Variants in SLC4A4 observed in about 807,000 individuals in gnomAD.
SLC4A4 encodes the protein electrogenic sodium bicarbonate cotransporter 1.
SLC4A4 carries 27 observed loss-of-function variants against 111.5 expected under a neutral mutation model. The observed-to-expected ratio is 0.24, with a 90% CI of 0.18 to 0.33. SLC4A4 has a LOEUF of 0.33. Ranked by LOEUF, SLC4A4 falls within the 10% of genes least tolerant of loss-of-function variation. The pLI, the probability that SLC4A4 is intolerant of heterozygous loss-of-function variation, is 1.00. For missense variants in SLC4A4, 909 were observed against 1,315.5 expected (o/e 0.69, Z 4.78); for synonymous variants, 443 against 463.4 (o/e 0.96, Z 0.57).
chr4:71,292,630 A>G (rs1724440323), intron 3 of SLC4A4, among the ~76,000 whole-genome samples: 1 of 152,166 alleles, frequency 6.6e-6, no homozygotes, highest in African/African-American at 2.4e-5. Flanking sequence ...TTATTTGTTC[A>G]AATTGATACC....
intron 3 of SLC4A4, among the ~76,000 whole-genome samples, chr4:71,301,702 C>T (rs1452888): frequency 0.033 from 4,970 of 152,294 alleles, 290 homozygotes; most frequent in African/African-American, 0.11. Flanking sequence ...AGATTGCCAG[C>T]GCAGGTGCCC....
intron 2 of SLC4A4, among the ~76,000 whole-genome samples, chr4:71,177,210 G>A (rs1228598090): frequency 2.6e-5 from 4 of 152,170 alleles, no homozygotes; most frequent in Non-Finnish European, 4.4e-5. Flanking sequence ...ACCAGTACCA[G>A]CCACTGCAAA....
chr4:71,455,024 TG>T (rs1186886616), intron 12 of SLC4A4, among the ~76,000 whole-genome samples: 1 of 152,120 alleles, frequency 6.6e-6, no homozygotes. Context: ...TTTCTCACAG[TG>T]GGGGGACTGT....
chr4:71,505,014 A>G (rs1578064144), intron 16 of SLC4A4, among the ~76,000 whole-genome samples: 1 of 152,156 alleles, frequency 6.6e-6, no homozygotes, highest in East Asian at 1.9e-4. Context: ...TTTGCTAGGG[A>G]TAAATGGCCC....
intron 11 of SLC4A4, among the ~76,000 whole-genome samples, chr4:71,452,589 G>T (rs1725867447): frequency 6.6e-6 from 1 of 152,162 alleles, no homozygotes; most frequent in Non-Finnish European, 1.5e-5. Flanking sequence ...TAAGTGCAAG[G>T]TCAAGACTTC....
chr4:71,283,578 C>T (rs1723693907), intron 3 of SLC4A4, among the ~76,000 whole-genome samples: 2 of 152,158 alleles, frequency 1.3e-5, no homozygotes, highest in Admixed American at 1.3e-4. Context: ...AAATGTTAGG[C>T]TGTCAGGGGA....
In SLC4A4 at chr4:71,532,119, A is replaced by G; in HGVS notation, c.2224A>G (p.Ile742Val). The G allele has an allele frequency of 6.2e-7, 1 of 1,613,338 alleles. No individual in the cohort carries two copies. The highest frequency in any genetic ancestry group is 8.5e-7 in the Non-Finnish European group (1 of 1,179,490). The change falls in exon 17 of 26, where the codon ATA becomes GTA. Residue 742 changes from isoleucine to valine, a missense_variant. Around this residue, in one of 7 missense-constraint regions of SLC4A4, gnomAD observed 264 missense variants for 356.8 expected, o/e 0.74. Coordinates refer to ENST00000264485, the MANE Select transcript of SLC4A4 (RefSeq NM_001098484.3). ...CTTGTCCATTCTCATCTTTTGTGTA[A>G]TAGATGCCCTAGTAGGCGTGGACAC... ...IILSILIFCV[I>V]DALVGVDTPK... is the part of the protein sequence containing the mutation.
At chr4:71,286,784 A>G (rs147474872) in intron 3 of SLC4A4, among the ~76,000 whole-genome samples, 8 of 152,276 alleles carry the variant, frequency 5.3e-5, no homozygotes, top group Non-Finnish European at 1.2e-4. Flanking sequence ...TCTAACCTTT[A>G]TTGTTACTAC....
At chr4:71,118,373 C>T (rs1486672254) in intron 2 of SLC4A4, among the ~76,000 whole-genome samples, 2 of 152,134 alleles carry the variant, frequency 1.3e-5, no homozygotes, top group African/African-American at 4.8e-5. Flanking sequence ...GATACCTTAA[C>T]CTCATATACC....
At chr4:71,420,067 C>A (rs1722277577) in intron 7 of SLC4A4, among the ~76,000 whole-genome samples, 3 of 152,122 alleles carry the variant, frequency 2.0e-5, no homozygotes, top group Admixed American at 1.3e-4. Flanking sequence ...AAACCAAAGG[C>A]AAAGAAGTTA....
intron 1 of SLC4A4, among the ~76,000 whole-genome samples, chr4:71,191,856 A>T (rs1037201346): frequency 6.6e-6 from 1 of 152,198 alleles, no homozygotes; most frequent in African/African-American, 2.4e-5. Flanking sequence ...TACTTTGTGG[A>T]TAGTTGTGTG....
chr4:71,324,840 C>T (rs976612365), intron 3 of SLC4A4, among the ~76,000 whole-genome samples: 8 of 151,908 alleles, frequency 5.3e-5, no homozygotes, highest in Non-Finnish European at 1.2e-4. Flanking sequence ...GTTTTTATCA[C>T]CACTTGCTGG....
chr4:71,252,000 T>A (rs1578680018), intron 2 of SLC4A4, among the ~76,000 whole-genome samples: 1 of 152,298 alleles, frequency 6.6e-6, no homozygotes, highest in South Asian at 2.1e-4. Context: ...ATCCTCAGCT[T>A]TGTGACTCCC....
chr4:71,208,763 C>A (rs1717947926), intron 1 of SLC4A4, among the ~76,000 whole-genome samples: 1 of 151,878 alleles, frequency 6.6e-6, no homozygotes, highest in Admixed American at 6.6e-5. Context: ...AACAAGTTAA[C>A]CTAGTTAAGT....
At chr4:71,214,563 C>A (rs779132642) in intron 1 of SLC4A4, among the ~76,000 whole-genome samples, 2 of 152,074 alleles carry the variant, frequency 1.3e-5, no homozygotes, top group Non-Finnish European at 2.9e-5. Flanking sequence ...TTTACTCTTG[C>A]GGGCTTTTGA....
chr4:71,536,962 A>G (rs1189215469), intron 18 of SLC4A4, among the ~76,000 whole-genome samples: 1 of 151,426 alleles, frequency 6.6e-6, no homozygotes, highest in Non-Finnish European at 1.5e-5. Flanking sequence ...GTGTATATAC[A>G]TATCCTTTCT....
At chr4:71,174,633 A>C (rs1233405458) in intron 2 of SLC4A4, among the ~76,000 whole-genome samples, 2 of 152,182 alleles carry the variant, frequency 1.3e-5, no homozygotes, top group Admixed American at 1.3e-4. Flanking sequence ...AAAATATGAA[A>C]GTCTTCTCAG....
chr4:71,461,827 G>T (rs1272808295), intron 12 of SLC4A4, among the ~76,000 whole-genome samples: 1 of 152,070 alleles, frequency 6.6e-6, no homozygotes, highest in East Asian at 1.9e-4. Context: ...AATGTTTTTG[G>T]ATATCGATTT....
intron 3 of SLC4A4, among the ~76,000 whole-genome samples, chr4:71,310,708 G>C (rs554694296): frequency 6.6e-5 from 10 of 152,268 alleles, no homozygotes; most frequent in African/African-American, 2.4e-4. Flanking sequence ...AGAAAAATCG[G>C]TACTAGCCAC....
Sources: allele counts gnomAD v4.1 joint callset (sites outside exome capture counted in the v4.1 genomes callset), GRCh38; gene constraint gnomAD v4.1.1; regional missense constraint gnomAD v4.1.1; transcripts MANE v1.5; gene names NCBI Gene and HGNC (gene_info 2026-07-23, HGNC 2026-07-21).